The following GTF3C2 variants were observed in gnomAD, a reference collection of about 807,000 sequenced individuals.
GTF3C2 encodes general transcription factor IIIC subunit 2, also known as general transcription factor 3C polypeptide 2.
GTF3C2 carries 17 observed loss-of-function variants against 117.4 expected under a neutral mutation model. The observed-to-expected ratio is 0.14, with a 90% CI of 0.10 to 0.22. GTF3C2 has a LOEUF of 0.22. GTF3C2 is among the 10% of genes least tolerant of loss of function. The pLI is 1.00. For synonymous variants in GTF3C2, 437 were observed against 427.0 expected (o/e 1.02, Z -0.29); for missense variants, 888 against 1,143.6 (o/e 0.78, Z 3.22).
Position 27,342,811 on chromosome 2 carries a change from C to T in GTF3C2, c.569+15G>A. ...CCCAACCCCCCTCCACCAAGCTATG[C>T]CCCACAATCCTTACACTTGGGCAGC... On this transcript the variant is annotated intron_variant, in intron 3 of 18. Transcript: ENST00000264720. 1 of 1,602,078 alleles carries T rather than the reference C, an allele frequency of 6.2e-7. No individual in the cohort carries two copies. The highest frequency in any genetic ancestry group is 8.5e-7 in the Non-Finnish European group (1 of 1,171,622).
At chr2:27,342,749 T>C in intron 3 of GTF3C2, 77 bp downstream of exon 3, 1 of 1,106,174 alleles carries the variant, frequency 9.0e-7, no homozygotes, top group Non-Finnish European at 1.3e-6. Context: ...CTCATCAGTC[T>C]TCTCTCTCCA....
rs759285783 is a variant in GTF3C2, at chr2:27,328,603, G to GAT, written c.2128-8_2128-7insAT. 2.9e-4 allele frequency: 459 copies of GAT among 1,606,380 alleles called. 2 individuals are homozygous for GAT. Among genetic ancestry groups the GAT allele is most frequent in the Non-Finnish European group, 1.5e-4 (174 of 1,173,342 alleles). On this transcript the variant is annotated splice_polypyrimidine_tract_variant and splice_region_variant and intron_variant, in intron 15 of 18. Transcript: ENST00000264720. ...AGTCGGATCCTGAAAGACTCTAATA[G>GAT]AAAGAGACAGATTTCATTCATTCAT... is the stretch of plus-strand genomic sequence containing the variant.
chr2:27,337,116 C>G (rs1032443417), intron 7 of GTF3C2, 128 bp downstream of exon 7: 1 of 645,256 alleles, frequency 1.5e-6, no homozygotes, highest in African/African-American at 1.8e-5. Flanking sequence ...AGTCAGCACT[C>G]TTATTCTTGG....
chr2:27,351,339 G>C (rs1401718530), intron 1 of GTF3C2, among the ~76,000 whole-genome samples: 2 of 152,066 alleles, frequency 1.3e-5, no homozygotes, highest in Non-Finnish European at 2.9e-5. Context: ...GCTGGAACCT[G>C]GAAGGTGGAG....
At chr2:27,349,153 T>C (rs1681030795) in intron 1 of GTF3C2, among the ~76,000 whole-genome samples, 2 of 139,176 alleles carry the variant, frequency 1.4e-5, no homozygotes, top group Non-Finnish European at 3.1e-5. Context: ...GATTTTTTTT[T>C]TTTTTTTTTT....
chr2:27,356,707 C>T, intron 1 of GTF3C2, 32 bp downstream of exon 1: 1 of 152,794 alleles, frequency 6.5e-6, no homozygotes, highest in Non-Finnish European at 1.5e-5. Flanking sequence ...ATTGTGGGGC[C>T]CCCCACACAC....
At chr2:27,343,123 A>C in exon 3 of GTF3C2, 1 of 1,584,052 alleles carries the variant, frequency 6.3e-7, no homozygotes, top group Non-Finnish European at 8.6e-7. Context: ...AGGCTTTGAG[A>C]CCTTTGACAT....
At chr2:27,332,370 C>T (rs1343148273) in intron 12 of GTF3C2, among the ~76,000 whole-genome samples, 2 of 151,756 alleles carry the variant, frequency 1.3e-5, no homozygotes, top group Non-Finnish European at 2.9e-5. Flanking sequence ...TAAAGAACTG[C>T]ATGAAATGAT....
Position 27,334,838 on chromosome 2 carries a change from T to C in GTF3C2, c.1576+760A>G, listed in dbSNP as rs536082833. Among the ~76,000 whole-genome samples the C allele has an allele frequency of 1.1e-4, 17 of 152,092 alleles. No homozygotes were observed. The South Asian group carries it at 2.7e-3, about 24-fold the overall frequency. The stretch of plus-strand genomic sequence containing the variant: ...TAAAAATTTTTTTGTCGAGACGACA[T>C]CTCATTATATTGCCCCAGCTGGTCT... On this transcript the variant is annotated intron_variant, in intron 10 of 18. Transcript: ENST00000264720.
At chr2:27,335,041 T>A (rs1680410689) in intron 10 of GTF3C2, among the ~76,000 whole-genome samples, 1 of 152,182 alleles carries the variant, frequency 6.6e-6, no homozygotes. Context: ...CCACCACATA[T>A]GGGACTTCCC....
intron 12 of GTF3C2, among the ~76,000 whole-genome samples, chr2:27,333,355 G>C (rs1018657711): frequency 2.0e-5 from 3 of 151,100 alleles, no homozygotes; most frequent in African/African-American, 7.3e-5. Context: ...GGGTTTCGCT[G>C]TATTGGCCAG....
intron 1 of GTF3C2, chr2:27,356,397 C>A (rs141614138): frequency 1.1e-3 from 296 of 265,666 alleles, no homozygotes; most frequent in African/African-American, 5.9e-3. Flanking sequence ...GGGAGAGGAG[C>A]CCTGGTTTTT....
intron 4 of GTF3C2, among the ~76,000 whole-genome samples, chr2:27,341,066 C>CA (rs1312993290): frequency 2.6e-5 from 4 of 152,190 alleles, no homozygotes; most frequent in African/African-American, 7.2e-5. Context: ...GATGGAGTCT[C>CA]ACTGTCTCAC....
At chr2:27,347,972 G>A (rs1680975570) in intron 1 of GTF3C2, among the ~76,000 whole-genome samples, 1 of 151,778 alleles carries the variant, frequency 6.6e-6, no homozygotes, top group Non-Finnish European at 1.5e-5. Context: ...TGTCTCTACA[G>A]AAAAATACCA....
rs1439024445 is a variant in GTF3C2, at chr2:27,336,443, A to G, written c.1128-18T>C. ...AGCTAAATCTAGAGAAAAATCAAAG[A>G]TGGGATGAAGAAAGGAATTAATGAA... On this transcript the variant is annotated intron_variant, in intron 7 of 18. Transcript: ENST00000264720. 1.4e-6 allele frequency: 2 copies of G among 1,440,818 alleles called. No homozygotes were observed. The highest frequency in any genetic ancestry group is 2.8e-5 in the African/African-American group (2 of 71,528). 89.3% of individuals were successfully genotyped at this position (1,440,818 alleles called of 1,614,324 possible).
chr2:27,338,775 C>G (rs148405719), intron 4 of GTF3C2, among the ~76,000 whole-genome samples: 2 of 151,902 alleles, frequency 1.3e-5, no homozygotes, highest in East Asian at 3.9e-4. Context: ...TGGGCTCAAG[C>G]GATCCCTCCC....
Position 27,340,049 on chromosome 2 carries a change from T to C in GTF3C2, c.855+1899A>G, listed in dbSNP as rs998231748. ...AATTCAACTTCTCCCCTCCCCACCT[T>C]TGCCCCTCCCACATCCCTCACCCTT... On this transcript the variant is annotated intron_variant, in intron 4 of 18. Coordinates refer to ENST00000264720, the Ensembl canonical transcript of GTF3C2. 8 of 151,492 alleles carry C rather than the reference T, an allele frequency of 5.3e-5. No individual in the cohort carries two copies. In the South Asian group the frequency reaches 1.5e-3, roughly 28 times the overall value. The allele number at this position is 151,492 out of a possible 1,614,324, so 9.4% of individuals were successfully genotyped here. A position where few individuals can be genotyped will look rare whatever the true frequency, so the allele number is the denominator to read the frequency against.
At chr2:27,332,819 G>A (rs993959936) in intron 12 of GTF3C2, among the ~76,000 whole-genome samples, 9 of 151,928 alleles carry the variant, frequency 5.9e-5, no homozygotes, top group African/African-American at 1.9e-4. Flanking sequence ...AGCTTCAAGC[G>A]ATTCTCCTGC....
intron 1 of GTF3C2, among the ~76,000 whole-genome samples, chr2:27,344,312 A>C (rs1680842896): frequency 6.6e-6 from 1 of 152,204 alleles, no homozygotes; most frequent in Non-Finnish European, 1.5e-5. Context: ...ATAATGAGTC[A>C]CTGCGCCTGG....
Sources: gnomAD v4.1 joint callset for allele counts (sites outside exome capture counted in the v4.1 genomes callset) on GRCh38, gnomAD v4.1.1 for gene constraint, MANE v1.5 for transcripts, NCBI Gene and HGNC (gene_info 2026-07-23, HGNC 2026-07-21) for gene names.